The following CFI variants were observed in gnomAD, a reference collection of about 807,000 sequenced individuals.
The protein encoded by CFI is C3B/C4B inactivator.
CFI carries 66 observed loss-of-function variants against 78.8 expected under a neutral mutation model. The observed-to-expected ratio is 0.84, with a 90% CI of 0.69 to 1.03. The LOEUF is 1.03. Ranked by LOEUF, CFI falls within the 50% of genes least tolerant of loss-of-function variation. The probability of loss-of-function intolerance (pLI) is 0.00; values close to 1 mark genes in which losing one functional copy is unlikely to be tolerated. For synonymous variants in CFI, 250 were observed against 232.6 expected, an observed-to-expected ratio of 1.07 and a Z score of -0.68; for missense variants, 706 against 704.5, an observed-to-expected ratio of 1.00 and a Z score of -0.02.
chr4:109,797,537 G>A (rs1253236049), intron 1 of CFI, among the ~76,000 whole-genome samples: 4 of 149,952 alleles, frequency 2.7e-5, no homozygotes, highest in African/African-American at 1.0e-4. Flanking sequence ...TGACTATGAC[G>A]ACAAAAGCAC....
chr4:109,752,615 C>G, intron 7 of CFI, 112 bp from the exon 8 acceptor site: 1 of 894,518 alleles, frequency 1.1e-6, no homozygotes, highest in Non-Finnish European at 1.8e-6. Flanking sequence ...ACTTATCCTC[C>G]CTTTTATAAA....
intron 3 of CFI, chr4:109,761,996 C>A: frequency 2.9e-6 from 1 of 347,156 alleles, no homozygotes; most frequent in Non-Finnish European, 5.5e-6. Flanking sequence ...TCGAGACCAG[C>A]CTGGCCAATA....
intron 1 of CFI, among the ~76,000 whole-genome samples, chr4:109,776,542 C>T (rs1246949033): frequency 6.6e-6 from 1 of 152,210 alleles, no homozygotes; most frequent in Non-Finnish European, 1.5e-5. Flanking sequence ...AGCTGGAAAA[C>T]ACTCTTCAGG....
chr4:109,789,499 C>T (rs1257229480), intron 1 of CFI, among the ~76,000 whole-genome samples: 6 of 151,868 alleles, frequency 4.0e-5, no homozygotes, highest in Admixed American at 3.3e-4. Flanking sequence ...AATGCAAATG[C>T]GAAGACAATG....
At chr4:109,789,892 T>A in intron 1 of CFI, among the ~76,000 whole-genome samples, 1 of 152,136 alleles carries the variant, frequency 6.6e-6, no homozygotes, top group South Asian at 2.1e-4. Flanking sequence ...AAATTAGTGT[T>A]AATTCTCTTT....
the CFI span, among the ~76,000 whole-genome samples, chr4:109,732,506 A>G: frequency 2.7e-3 from 412 of 152,334 alleles, 2 homozygotes; most frequent in African/African-American, 9.6e-3. Context: ...CTATCTGTAT[A>G]ATTTGTAGGG....
At chr4:109,766,479 A>G (rs2126224025) in intron 2 of CFI, 75 bp downstream of exon 2, 1 of 1,548,234 alleles carries the variant, frequency 6.5e-7, no homozygotes, top group South Asian at 1.1e-5. Context: ...CAAGAGAATT[A>G]TTTTCTGATA....
intron 4 of CFI, 86 bp from the exon 5 acceptor site, chr4:109,760,722 T>G (rs1726949475): frequency 1.4e-5 from 11 of 807,822 alleles, no homozygotes; most frequent in Non-Finnish European, 2.2e-5. Context: ...AATGGAGTCA[T>G]TAAGAGAAAG....
At chr4:109,751,259 G>C (rs778215420) in intron 8 of CFI, among the ~76,000 whole-genome samples, 2 of 152,042 alleles carry the variant, frequency 1.3e-5, no homozygotes, top group Non-Finnish European at 2.9e-5. Flanking sequence ...GAACTGGGGT[G>C]GGGGAAGAGT....
intron 11 of CFI, among the ~76,000 whole-genome samples, chr4:109,744,204 A>G (rs970406822): frequency 1.6e-4 from 24 of 152,212 alleles, no homozygotes; most frequent in African/African-American, 5.8e-4. Context: ...ATTTTTAAAA[A>G]TAAATGAGGA....
intron 6 of CFI, among the ~76,000 whole-genome samples, chr4:109,758,353 C>T (rs751242781): frequency 1.3e-5 from 2 of 151,790 alleles, no homozygotes; most frequent in African/African-American, 4.8e-5. Context: ...AATAAATATT[C>T]ATCAAGTAAA....
chr4:109,791,783 C>CT (rs912402017), intron 1 of CFI, among the ~76,000 whole-genome samples: 5 of 151,996 alleles, frequency 3.3e-5, no homozygotes, highest in African/African-American at 1.2e-4. Context: ...GTCCTCTATT[C>CT]TTTTTTAATG....
In CFI at chr4:109,761,696, C is replaced by T. The variant is rs909212691; in HGVS notation, c.483-4G>A. The T allele has an allele frequency of 6.2e-7, 1 of 1,606,284 alleles. No individual in the cohort carries two copies. The highest frequency in any genetic ancestry group is 1.3e-5 in the African/African-American group (1 of 74,758). On this transcript the variant is annotated splice_polypyrimidine_tract_variant and splice_region_variant and intron_variant, in intron 3 of 12. Coordinates refer to ENST00000394634, the MANE Select transcript of CFI (RefSeq NM_000204.5). ...CCTTCTTTGAGTATCAGCACCTCTG[C>T]AAATAGAATAAAGGAAACATTATGG... is the stretch of plus-strand genomic sequence containing the variant.
At chr4:109,756,965 G>GAAAGAAAGAA (rs1561298097) in intron 7 of CFI, among the ~76,000 whole-genome samples, 2 of 133,760 alleles carry the variant, frequency 1.5e-5, no homozygotes, top group African/African-American at 2.7e-5. Flanking sequence ...AAGAAAGAAA[G>GAAAGAAAGAA]AAAGAAAGAA....
chr4:109,764,750 A>T, intron 2 of CFI, 60 bp from the exon 3 acceptor site: 2 of 1,451,750 alleles, frequency 1.4e-6, no homozygotes, highest in Non-Finnish European at 1.9e-6. Flanking sequence ...TCTCTTAATT[A>T]AAAGTCTTTA....
chr4:109,764,664 C>T lies in CFI; in HGVS notation c.355G>A (p.Gly119Arg), dbSNP rs141853578. 1,231 of 1,613,848 alleles carry T rather than the reference C, an allele frequency of 7.6e-4. 3 individuals are homozygous for T. Among genetic ancestry groups the T allele is most frequent in the Non-Finnish European group, 1.0e-3 (1,193 of 1,179,974 alleles). Residue 119 changes from glycine (G) to arginine (R), a missense_variant, in exon 3 of 13, where the codon GGA (glycine) becomes AGA (arginine). Coordinates refer to ENST00000394634, the MANE Select transcript of CFI (RefSeq NM_000204.5). The part of the protein sequence containing the change: ...EGKFSVSLKH[G>R]NTDSEGIVEV... ...ACTATTCCCTCTGAATCTGTATTTC[C>T]ATGCTTCAAGGAAACACTAAACTTT...
At chr4:109,739,278 TAAA>T (rs201716913), downstream of CFI, among the ~76,000 whole-genome samples, 3 of 140,988 alleles carry the variant, frequency 2.1e-5, no homozygotes, top group African/African-American at 2.6e-5. Flanking sequence ...TAGCTGTGCT[TAAA>T]AAAAAAAAAA....
intron 1 of CFI, among the ~76,000 whole-genome samples, chr4:109,800,572 G>C (rs1333070966): frequency 1.3e-5 from 2 of 151,832 alleles, no homozygotes; most frequent in Non-Finnish European, 2.9e-5. Flanking sequence ...ACTGTGCTAT[G>C]GGTTTCTTTT....
At chr4:109,748,199 G>A (rs145697212) in intron 10 of CFI, among the ~76,000 whole-genome samples, 1 of 152,272 alleles carries the variant, frequency 6.6e-6, no homozygotes, top group East Asian at 1.9e-4. Context: ...CAAGAATACT[G>A]TCCTTCATAT....
Sources: allele counts gnomAD v4.1 joint callset (sites outside exome capture counted in the v4.1 genomes callset), GRCh38; gene constraint gnomAD v4.1.1; transcripts MANE v1.5; gene names NCBI Gene and HGNC (gene_info 2026-07-23, HGNC 2026-07-21).